WWTR1: variants seen among roughly 807,000 people sequenced by gnomAD.
WWTR1 encodes WW domain-containing transcription regulator protein 1.
WWTR1 carries 13 observed loss-of-function variants against 40.1 expected under a neutral mutation model. The observed-to-expected ratio is 0.32, with a 90% CI of 0.21 to 0.52. The LOEUF (loss-of-function observed/expected upper bound fraction) is 0.52, where lower values mean the gene tolerates loss of function less well. Among genes scored for constraint, WWTR1 ranks in the 20% least tolerant of loss-of-function variants. The pLI is 0.97. For missense variants in WWTR1, 436 were observed against 523.1 expected (o/e 0.83, Z 1.63); for synonymous variants, 230 against 210.1 (o/e 1.09, Z -0.82).
At chr3:149,602,764 A>C (rs1383621143) in intron 2 of WWTR1, among the ~76,000 whole-genome samples, 1 of 152,074 alleles carries the variant, frequency 6.6e-6, no homozygotes, top group Non-Finnish European at 1.5e-5. Context: ...GTCCAGTTTC[A>C]AGAGATTCTC....
chr3:149,593,413 C>T (rs1229074997), intron 2 of WWTR1, among the ~76,000 whole-genome samples: 5 of 150,888 alleles, frequency 3.3e-5, no homozygotes, highest in African/African-American at 7.3e-5. Flanking sequence ...ATTGCATGCT[C>T]ATTGTAATTA....
At chr3:149,698,515 C>G (rs1032856377) in intron 1 of WWTR1, among the ~76,000 whole-genome samples, 1 of 152,204 alleles carries the variant, frequency 6.6e-6, no homozygotes, top group Non-Finnish European at 1.5e-5. Context: ...CAGACTAATA[C>G]AGTGGGCCCC....
intron 3 of WWTR1, among the ~76,000 whole-genome samples, chr3:149,543,027 G>A (rs913806672): frequency 8.5e-5 from 13 of 152,172 alleles, no homozygotes; most frequent in African/African-American, 3.1e-4. Flanking sequence ...TAGATCAGGA[G>A]CCGACATATA....
chr3:149,661,447 G>A (rs1713571800), upstream of WWTR1: 1 of 151,460 alleles, frequency 6.6e-6, no homozygotes, highest in South Asian at 2.1e-4. Context: ...TCTCAGACAG[G>A]GTTTCACTTT....
chr3:149,574,118 C>T (rs1737771349), intron 2 of WWTR1, among the ~76,000 whole-genome samples: 1 of 152,110 alleles, frequency 6.6e-6, no homozygotes, highest in African/African-American at 2.4e-5. Flanking sequence ...GCAGCCCCGA[C>T]ATCCTGGGCT....
intron 1 of WWTR1, 175 bp downstream of exon 1, chr3:149,657,590 C>T: frequency 2.5e-6 from 1 of 407,138 alleles, no homozygotes; most frequent in Non-Finnish European, 4.4e-6. Flanking sequence ...TAACTGCACT[C>T]GGGGCTTGCT....
intron 2 of WWTR1, among the ~76,000 whole-genome samples, chr3:149,647,300 CTTTT>C (rs903854198): frequency 6.7e-6 from 1 of 149,968 alleles, no homozygotes; most frequent in African/African-American, 2.4e-5. Flanking sequence ...TCTTTAAAAA[CTTTT>C]TTTTTTAATT....
intron 2 of WWTR1, among the ~76,000 whole-genome samples, chr3:149,665,835 A>C (rs1377068221): frequency 6.6e-6 from 1 of 152,220 alleles, no homozygotes; most frequent in East Asian, 1.9e-4. Context: ...TATATGTGTA[A>C]CATGATAACA....
intron 2 of WWTR1, chr3:149,650,069 G>A (rs1223683628): frequency 6.6e-6 from 1 of 152,096 alleles, no homozygotes; most frequent in East Asian, 1.9e-4. Flanking sequence ...AAATCTTGAT[G>A]AGAATAAAAT....
intron 4 of WWTR1, among the ~76,000 whole-genome samples, chr3:149,533,927 C>T (rs756371092): frequency 1.5e-5 from 2 of 130,324 alleles, no homozygotes; most frequent in African/African-American, 5.1e-5. Flanking sequence ...ATATTGCTTA[C>T]TGTGTGTGAA....
chr3:149,572,868 A>G lies in WWTR1; in HGVS notation c.564T>C (p.Asn188=). Residue 188 remains asparagine (N), a synonymous_variant, in exon 3 of 7, where the codon AAT becomes AAC. Transcript: ENST00000360632. ...TTAAAAAAGCTTGAGGCTTACCGAG[A>G]TTTGGCTGGGATACTGCCATGGACC... ...PQRSMAVSQP[N]LVMNHQHQQQ... is the part of the protein sequence containing the mutation. The G allele has an allele frequency of 6.2e-7, 1 of 1,613,724 alleles. No individual in the cohort carries two copies. The highest frequency in any genetic ancestry group is 8.5e-7 in the Non-Finnish European group (1 of 1,179,932).
chr3:149,683,404 G>T (rs1714525371), intron 1 of WWTR1, among the ~76,000 whole-genome samples: 1 of 152,094 alleles, frequency 6.6e-6, no homozygotes, highest in Admixed American at 6.6e-5. Context: ...CCTCACTTAG[G>T]ATATTTAGGC....
chr3:149,639,829 TA>T (rs1317742244), intron 2 of WWTR1, among the ~76,000 whole-genome samples: 4 of 151,086 alleles, frequency 2.6e-5, no homozygotes, highest in Non-Finnish European at 5.9e-5. Flanking sequence ...CCATCTCTAC[TA>T]AAAAATACAA....
At chr3:149,632,578 G>A (rs1446409386) in intron 2 of WWTR1, among the ~76,000 whole-genome samples, 2 of 152,174 alleles carry the variant, frequency 1.3e-5, no homozygotes, top group South Asian at 2.1e-4. Context: ...GTTGGCAACT[G>A]TAGAAGCCAC....
intron 2 of WWTR1, among the ~76,000 whole-genome samples, chr3:149,627,734 T>G (rs1414395518): frequency 1.3e-5 from 2 of 152,234 alleles, no homozygotes; most frequent in Non-Finnish European, 2.9e-5. Flanking sequence ...AGGGTCCTAT[T>G]ATTTTTAAAG....
At chr3:149,713,376 A>T (rs1036033122) in intron 5 of WWTR1, among the ~76,000 whole-genome samples, 6 of 151,296 alleles carry the variant, frequency 4.0e-5, no homozygotes, top group African/African-American at 1.2e-4. Flanking sequence ...TAATTTATTT[A>T]TTTTTTTTGT....
At chr3:149,604,246 C>T (rs1239380160) in intron 2 of WWTR1, among the ~76,000 whole-genome samples, 1 of 152,154 alleles carries the variant, frequency 6.6e-6, no homozygotes, top group Admixed American at 6.6e-5. Context: ...GCCAACACTG[C>T]CAGACAATGG....
intron 1 of WWTR1, among the ~76,000 whole-genome samples, chr3:149,673,264 G>A (rs1225474410): frequency 6.6e-6 from 1 of 152,016 alleles, no homozygotes; most frequent in African/African-American, 2.4e-5. Context: ...AATAAGTTGA[G>A]AATTGACTAT....
intron 1 of WWTR1, among the ~76,000 whole-genome samples, chr3:149,695,023 G>C (rs1714940439): frequency 6.6e-6 from 1 of 152,150 alleles, no homozygotes; most frequent in African/African-American, 2.4e-5. Flanking sequence ...GATGGAATTG[G>C]AACACATTAT....
Sources: gnomAD v4.1 joint callset for allele counts (sites outside exome capture counted in the v4.1 genomes callset) on GRCh38, gnomAD v4.1.1 for gene constraint, MANE v1.5 for transcripts, NCBI Gene and HGNC (gene_info 2026-07-23, HGNC 2026-07-21) for gene names.